The following SH3PXD2A variants were observed in gnomAD, a reference collection of about 807,000 sequenced individuals.
The protein encoded by SH3PXD2A is SH3 and PX domain-containing protein 2A.
A neutral mutation model predicts 115.2 loss-of-function variants in SH3PXD2A; 32 were observed. That is an observed-to-expected ratio of 0.28 (90% CI 0.21 to 0.37). The LOEUF is 0.37. Among genes scored for constraint, SH3PXD2A ranks in the 10% least tolerant of loss-of-function variants. The pLI, the probability that SH3PXD2A is intolerant of heterozygous loss-of-function variation, is 1.00. For synonymous variants in SH3PXD2A, 610 were observed against 629.1 expected, an observed-to-expected ratio of 0.97 and a Z score of 0.45; for missense variants, 1,328 against 1,498.7, an observed-to-expected ratio of 0.89 and a Z score of 1.88.
chr10:103,849,507 G>C (rs888170045), intron 1 of SH3PXD2A, among the ~76,000 whole-genome samples: 1 of 152,128 alleles, frequency 6.6e-6, no homozygotes, highest in African/African-American at 2.4e-5. Context: ...CAGTCTCTGC[G>C]GCTGATATGG....
intron 1 of SH3PXD2A, among the ~76,000 whole-genome samples, chr10:103,827,742 G>A (rs185883147): frequency 5.8e-4 from 89 of 152,296 alleles, no homozygotes; most frequent in African/African-American, 2.0e-3. Context: ...TAGACTATGA[G>A]CTTTTGAAGG....
At chr10:103,716,646 G>C (rs1477072499) in intron 5 of SH3PXD2A, among the ~76,000 whole-genome samples, 1 of 152,174 alleles carries the variant, frequency 6.6e-6, no homozygotes, top group Admixed American at 6.5e-5. Flanking sequence ...GGTAAGAGGT[G>C]GGCTGGTAAG....
At position 103,700,903 on chromosome 10, in the gene SH3PXD2A, A is replaced by G. The variant is rs879450907; in HGVS notation, c.399-7847T>C. Among the ~76,000 whole-genome samples, 6 of 152,220 alleles carry G rather than the reference A, an allele frequency of 3.9e-5. No homozygotes were observed. In the East Asian group the frequency reaches 1.2e-3, roughly 29 times the overall value. On this transcript the variant is annotated intron_variant, in intron 5 of 14. Transcript: ENST00000369774. Reference sequence around the variant, plus strand: ...CCCTGAGGAGAAGGTCAAGGAGGATATCCTATATTTAAAGACCTTCCCTGA... The same window carrying G: ...CCCTGAGGAGAAGGTCAAGGAGGATGTCCTATATTTAAAGACCTTCCCTGA...
At chr10:103,795,210 A>G (rs2039074540) in intron 2 of SH3PXD2A, among the ~76,000 whole-genome samples, 1 of 152,190 alleles carries the variant, frequency 6.6e-6, no homozygotes, top group South Asian at 2.1e-4. Flanking sequence ...TAATTTTTAA[A>G]ATTTAATTTC....
intron 2 of SH3PXD2A, among the ~76,000 whole-genome samples, chr10:103,776,384 C>T (rs1271049580): frequency 7.2e-6 from 1 of 138,732 alleles, no homozygotes; most frequent in East Asian, 2.1e-4. Context: ...CAGAGCTAGA[C>T]ACCACTGTCT....
chr10:103,804,460 TGCAG>T (rs2039179367), intron 1 of SH3PXD2A, among the ~76,000 whole-genome samples: 1 of 151,744 alleles, frequency 6.6e-6, no homozygotes, highest in East Asian at 1.9e-4. Context: ...TAGCTGGGAC[TGCAG>T]GCACCCGCCA....
intron 2 of SH3PXD2A, among the ~76,000 whole-genome samples, chr10:103,783,897 A>G (rs1040448795): frequency 6.6e-6 from 1 of 152,258 alleles, no homozygotes; most frequent in Non-Finnish European, 1.5e-5. Context: ...CGCCCGGGGC[A>G]GCCTGTGCTT....
chr10:103,659,744 G>A (rs530679336), intron 8 of SH3PXD2A, among the ~76,000 whole-genome samples: 46 of 152,140 alleles, frequency 3.0e-4, no homozygotes, highest in African/African-American at 1.1e-3. Context: ...CAGGCACTTC[G>A]AAGACCTCAG....
chr10:103,630,245 C>A (rs1005178657), intron 8 of SH3PXD2A, among the ~76,000 whole-genome samples: 1 of 152,186 alleles, frequency 6.6e-6, no homozygotes, highest in Admixed American at 6.5e-5. Context: ...GGATGTTTTT[C>A]CCCCTTCTTG....
chr10:103,680,855 C>T (rs996122468), intron 6 of SH3PXD2A, among the ~76,000 whole-genome samples: 22 of 152,132 alleles, frequency 1.4e-4, no homozygotes, highest in African/African-American at 4.6e-4. Flanking sequence ...ATGCCACGTG[C>T]CGACTAAGTT....
chr10:103,834,138 C>T lies in SH3PXD2A; in HGVS notation c.72+21057G>A, dbSNP rs552858999. ...TGGGGCAGGGGAGAAAATCCACACA[C>T]TCTGCAAGGTGGCAAGAGGAAATGC... On this transcript the variant is annotated intron_variant, in intron 1 of 14. Coordinates refer to ENST00000369774, the MANE Select transcript of SH3PXD2A (RefSeq NM_001394015.1). Among the ~76,000 whole-genome samples, 10 of 152,314 alleles carry T rather than the reference C, an allele frequency of 6.6e-5. No homozygotes were observed. In the East Asian group the frequency reaches 1.9e-3, roughly 29 times the overall value.
intron 3 of SH3PXD2A, among the ~76,000 whole-genome samples, chr10:103,745,700 C>A (rs905734110): frequency 3.3e-5 from 5 of 152,190 alleles, no homozygotes; most frequent in Non-Finnish European, 7.3e-5. Context: ...CCCAGTCCAT[C>A]CACCTGGCTT....
At chr10:103,767,582 G>T (rs1465075142) in intron 2 of SH3PXD2A, among the ~76,000 whole-genome samples, 1 of 152,070 alleles carries the variant, frequency 6.6e-6, no homozygotes, top group African/African-American at 2.4e-5. Flanking sequence ...GGGCCAGGAT[G>T]GGGGAAGGCC....
Position 103,710,900 on chromosome 10 carries a change from G to T in SH3PXD2A, c.398+13370C>A, listed in dbSNP as rs576363044. ...AAAATTTAAAAAATAGTGGGGCACG[G>T]TGGCATGTGCCAGTAGTCCTAGTTA... On this transcript the variant is annotated intron_variant, in intron 5 of 14. Transcript: ENST00000369774. Among the ~76,000 whole-genome samples, 60 of 152,148 alleles carry T rather than the reference G, an allele frequency of 3.9e-4. 1 individual carries two copies. Among genetic ancestry groups the T allele is most frequent in the Middle Eastern group, 6.8e-3 (2 of 292 alleles).
At chr10:103,645,549 C>T (rs776490376) in intron 8 of SH3PXD2A, among the ~76,000 whole-genome samples, 13 of 152,102 alleles carry the variant, frequency 8.5e-5, no homozygotes, top group East Asian at 1.9e-4. Flanking sequence ...ATACCTGACC[C>T]GGCCATTTCC....
chr10:103,709,583 A>G (rs1000221651), intron 5 of SH3PXD2A, among the ~76,000 whole-genome samples: 7 of 152,192 alleles, frequency 4.6e-5, no homozygotes, highest in East Asian at 1.9e-4. Flanking sequence ...GGCAACAACA[A>G]TAGTAACAAC....
Position 103,800,061 on chromosome 10 carries a change from C to T in SH3PXD2A, c.153+1221G>A, listed in dbSNP as rs2039132925. 2.0e-5 allele frequency among the ~76,000 whole-genome samples: 3 copies of T among 152,130 alleles called. No individual in the cohort carries two copies. In the South Asian group the frequency reaches 6.2e-4, roughly 32 times the overall value. Reference sequence around the variant, plus strand: ...AAGATGACTGACAACCAAAGGCCTGCCAAGAAAGGAGTGGACCCTGGCTGT... The same window carrying T: ...AAGATGACTGACAACCAAAGGCCTGTCAAGAAAGGAGTGGACCCTGGCTGT... On this transcript the variant is annotated intron_variant, in intron 2 of 14. Transcript: ENST00000369774.
At chr10:103,748,464 CA>C (rs2038534229) in intron 3 of SH3PXD2A, among the ~76,000 whole-genome samples, 1 of 152,230 alleles carries the variant, frequency 6.6e-6, no homozygotes, top group Non-Finnish European at 1.5e-5. Context: ...CAACACGCAA[CA>C]CCCATTCACT....
intron 3 of SH3PXD2A, among the ~76,000 whole-genome samples, chr10:103,762,564 C>A (rs1233659532): frequency 6.6e-6 from 1 of 152,196 alleles, no homozygotes; most frequent in Non-Finnish European, 1.5e-5. Context: ...AACTCTCTGC[C>A]CCTTCCTGAC....
Sources: gnomAD v4.1 joint callset for allele counts (sites outside exome capture counted in the v4.1 genomes callset) on GRCh38, gnomAD v4.1.1 for gene constraint, MANE v1.5 for transcripts, NCBI Gene and HGNC (gene_info 2026-07-23, HGNC 2026-07-21) for gene names.